Variants in ARL17B observed in about 807,000 individuals in gnomAD.
ARL17B encodes the protein ARF like GTPase 17B, also known as ADP-ribosylation factor-like protein 17.
At chr17:46,275,734 G>C (rs1215122969) in intron 4 of ARL17B, among the ~76,000 whole-genome samples, 1 of 152,198 alleles carries the variant, frequency 6.6e-6, no homozygotes, top group African/African-American at 2.4e-5. Flanking sequence ...TACCATTGTG[G>C]TGAAAGGTGC....
chr17:46,276,391 T>C (rs1373608680), intron 4 of ARL17B, among the ~76,000 whole-genome samples: 1 of 152,230 alleles, frequency 6.6e-6, no homozygotes. Context: ...CATTAAAAAA[T>C]TATATTAGCT....
chr17:46,289,018 A>G (rs1446762352), intron 4 of ARL17B, among the ~76,000 whole-genome samples: 4 of 152,240 alleles, frequency 2.6e-5, no homozygotes, highest in South Asian at 4.1e-4. Context: ...TATTGTCTCA[A>G]TATGCATTTT....
intron 4 of ARL17B, among the ~76,000 whole-genome samples, chr17:46,288,495 G>A (rs2049979363): frequency 1.3e-5 from 2 of 151,670 alleles, no homozygotes; most frequent in Non-Finnish European, 2.9e-5. Flanking sequence ...TTTTGGTTGT[G>A]CCACGTTGGC....
chr17:46,275,256 A>C, exon 5 of ARL17B: 1 of 497,700 alleles, frequency 2.0e-6, no homozygotes, highest in Non-Finnish European at 3.3e-6. Context: ...GTTATGACCA[A>C]TAAAAACAAA....
chr17:46,285,307 C>T (rs1459687369), intron 4 of ARL17B, among the ~76,000 whole-genome samples: 1 of 148,134 alleles, frequency 6.8e-6, no homozygotes, highest in Non-Finnish European at 1.5e-5. Context: ...ATGGCTCGAT[C>T]TTGGCTCACT....
At chr17:46,289,398 T>C (rs535901441) in intron 4 of ARL17B, among the ~76,000 whole-genome samples, 1 of 145,136 alleles carries the variant, frequency 6.9e-6, no homozygotes, top group East Asian at 1.9e-4. Flanking sequence ...ACTTACCTCC[T>C]GAGCTCAAGT....
In ARL17B at chr17:46,317,080, A is replaced by C. The variant is rs2051175959; in HGVS notation, c.260-17415T>G. On this transcript the variant is annotated intron_variant, in intron 3 of 4. Coordinates refer to the ARL17B transcript ENST00000434041. ...CCCACATTTCCCCCTTTTCTATTCA[A>C]CAAAACCGCCATTGTCATCATGGCC... 2.4e-5 allele frequency among the ~76,000 whole-genome samples: 2 copies of C among 85,024 alleles called. 1 individual carries two copies. Among genetic ancestry groups the C allele is most frequent in the African/African-American group, 6.2e-5 (2 of 32,362 alleles). The allele number at this position is 85,024 out of a possible 152,430, so 55.8% of individuals were successfully genotyped here.
At chr17:46,290,446 G>A (rs1187227247) in intron 4 of ARL17B, among the ~76,000 whole-genome samples, 2 of 152,206 alleles carry the variant, frequency 1.3e-5, no homozygotes, top group Non-Finnish European at 2.9e-5. Flanking sequence ...GATAATTTAA[G>A]TGAATCTCTG....
chr17:46,306,202 T>TG (rs1165407046), intron 3 of ARL17B: 1 of 218,524 alleles, frequency 4.6e-6, no homozygotes, highest in Non-Finnish European at 1.0e-5. Flanking sequence ...ATTTTTTTTT[T>TG]CTTTGGCTTG....
chr17:46,280,518 A>G (rs796356708), intron 4 of ARL17B, among the ~76,000 whole-genome samples: 7 of 152,042 alleles, frequency 4.6e-5, no homozygotes, highest in African/African-American at 1.7e-4. Context: ...CTAATTAAAA[A>G]TATATATTAT....
At chr17:46,348,683 G>GT (rs1304322674) in intron 3 of ARL17B, among the ~76,000 whole-genome samples, 2 of 110,408 alleles carry the variant, frequency 1.8e-5, no homozygotes, top group East Asian at 5.4e-4. Context: ...AATTTGTCAA[G>GT]TGCCAGTCCA....
At chr17:46,281,726 C>T (rs1199057498) in intron 4 of ARL17B, among the ~76,000 whole-genome samples, 1 of 152,094 alleles carries the variant, frequency 6.6e-6, no homozygotes, top group Non-Finnish European at 1.5e-5. Context: ...ACACTGCAAC[C>T]TCTGCCTCCT....
chr17:46,291,863 A>G (rs952754461), intron 4 of ARL17B, among the ~76,000 whole-genome samples: 1 of 150,570 alleles, frequency 6.6e-6, no homozygotes, highest in African/African-American at 2.4e-5. Flanking sequence ...TGGGAACCTG[A>G]GGCGGAAGGA....
intron 3 of ARL17B, among the ~76,000 whole-genome samples, chr17:46,325,510 A>G (rs193157050): frequency 1.2e-5 from 1 of 81,694 alleles, no homozygotes; most frequent in East Asian, 2.4e-4. Flanking sequence ...TATACTTTAA[A>G]ACAATCCTGG....
At position 46,284,187 on chromosome 17, in the gene ARL17B, C is replaced by T. The variant is rs569276991; in HGVS notation, c.*22-8769G>A. Among the ~76,000 whole-genome samples the T allele has an allele frequency of 4.3e-4, 66 of 152,356 alleles. No homozygotes were observed. In the Middle Eastern group the frequency reaches 0.01, roughly 24 times the overall value. ...TAAGGGTGTCAGGCTGGGGGACGGT[C>T]AGGTCTTTCCCTTCCCACGAGGCCA... is the stretch of plus-strand genomic sequence containing the variant. On this transcript the variant is annotated intron_variant, in intron 4 of 4. Transcript: ENST00000570618.
rs145375602 is a variant in ARL17B at position 46,287,904 on chromosome 17, C to T, written c.*21+11622G>A. ...AAAGAAAAAGTAAATGTAACAAACG[C>T]TTATACAGTGTGTCTACAAGTGTTG... On this transcript the variant is annotated intron_variant, in intron 4 of 4. Coordinates refer to the ARL17B transcript ENST00000570618. Among the ~76,000 whole-genome samples, 176 of 152,326 alleles carry T rather than the reference C, an allele frequency of 1.2e-3. 1 individual carries two copies. The highest frequency in any genetic ancestry group is 4.1e-3 in the African/African-American group (172 of 41,556).
At position 46,309,081 on chromosome 17, in the gene ARL17B, C is replaced by A. The variant is rs1316160208; in HGVS notation, c.260-9416G>T. Among the ~76,000 whole-genome samples the A allele has an allele frequency of 6.3e-5, 5 of 78,942 alleles. 1 individual carries two copies. Among genetic ancestry groups the A allele is most frequent in the African/African-American group, 1.6e-4 (5 of 30,620 alleles). 51.8% of individuals were successfully genotyped at this position (78,942 alleles called of 152,430 possible). On this transcript the variant is annotated intron_variant, in intron 3 of 4. Coordinates refer to the ARL17B transcript ENST00000434041. The stretch of plus-strand genomic sequence containing the variant: ...AAGTTAGCAGGGTTAAAAGGTCTGT[C>A]TATTTTGAATCTGAAATCCATCTCA...
intron 4 of ARL17B, among the ~76,000 whole-genome samples, chr17:46,282,148 G>T (rs2049779691): frequency 6.6e-6 from 1 of 152,004 alleles, no homozygotes; most frequent in Non-Finnish European, 1.5e-5. Flanking sequence ...TGTCTCCCAG[G>T]CTGGAGTGCA....
chr17:46,282,872 A>G (rs62071636), intron 4 of ARL17B, among the ~76,000 whole-genome samples: 17,807 of 150,970 alleles, frequency 0.12, no homozygotes, highest in Non-Finnish European at 0.18. Flanking sequence ...TTATCCCAGC[A>G]TTTTGGGAGG....
Sources: allele counts gnomAD v4.1 joint callset (sites outside exome capture counted in the v4.1 genomes callset), GRCh38; gene constraint gnomAD v4.1.1; transcripts MANE v1.5; gene names NCBI Gene and HGNC (gene_info 2026-07-23, HGNC 2026-07-21).